The following ASTN2 variants were observed in gnomAD, a reference collection of about 807,000 sequenced individuals.
ASTN2 encodes the protein astrotactin-2.
ASTN2 carries 54 observed loss-of-function variants against 139.8 expected under a neutral mutation model. The ratio of observed to expected loss-of-function variants is 0.39; its 90% CI spans 0.31 to 0.48. The LOEUF is 0.48. ASTN2 is among the 20% of genes least tolerant of loss of function. The pLI is 0.95. For synonymous variants in ASTN2, 756 were observed against 719.5 expected, an observed-to-expected ratio of 1.05 and a Z score of -0.81; for missense variants, 1,565 against 1,725.1, an observed-to-expected ratio of 0.91 and a Z score of 1.64.
chr9:117,005,399 C>T (rs924498018), intron 7 of ASTN2, among the ~76,000 whole-genome samples: 2 of 151,920 alleles, frequency 1.3e-5, no homozygotes, highest in Non-Finnish European at 2.9e-5. Context: ...TGTCTTGGCA[C>T]CCATTTAAAA....
intron 5 of ASTN2, among the ~76,000 whole-genome samples, chr9:117,051,260 T>G (rs1341286461): frequency 6.6e-6 from 1 of 152,222 alleles, no homozygotes; most frequent in African/African-American, 2.4e-5. Flanking sequence ...CCTTTCTCTT[T>G]TTTTGAGCAC....
At chr9:117,084,607 G>A (rs796444973) in intron 5 of ASTN2, among the ~76,000 whole-genome samples, 53 of 152,316 alleles carry the variant, frequency 3.5e-4, no homozygotes, top group African/African-American at 1.2e-3. Context: ...ATTAATGAAT[G>A]TGCAATAGAC....
chr9:116,829,643 C>G (rs1007805349), intron 11 of ASTN2, among the ~76,000 whole-genome samples: 5 of 152,080 alleles, frequency 3.3e-5, no homozygotes, highest in Non-Finnish European at 7.4e-5. Flanking sequence ...TTTCAAACAA[C>G]CAGATCTCAT....
At chr9:117,194,912 T>G (rs566688443) in intron 3 of ASTN2, among the ~76,000 whole-genome samples, 14 of 152,156 alleles carry the variant, frequency 9.2e-5, no homozygotes, top group Non-Finnish European at 1.3e-4. Context: ...AAAGAACACA[T>G]AGAGGTTACC....
intron 4 of ASTN2, among the ~76,000 whole-genome samples, chr9:117,120,154 T>A (rs564115636): frequency 9.9e-5 from 15 of 151,034 alleles, no homozygotes; most frequent in African/African-American, 3.2e-4. Flanking sequence ...AACACTGGAC[T>A]GGAAGAAGGT....
At chr9:116,713,928 C>A (rs757950473) in intron 16 of ASTN2, among the ~76,000 whole-genome samples, 58 of 152,158 alleles carry the variant, frequency 3.8e-4, no homozygotes, top group Admixed American at 2.6e-4. Flanking sequence ...CTGGCTCTAC[C>A]TTTTATTAGC....
chr9:117,203,530 T>TTTG (rs373970577), intron 3 of ASTN2, among the ~76,000 whole-genome samples: 36 of 151,992 alleles, frequency 2.4e-4, no homozygotes, highest in East Asian at 7.8e-4. Context: ...TGTGGGGGCC[T>TTTG]TTGTTGTTGT....
intron 3 of ASTN2, among the ~76,000 whole-genome samples, chr9:117,170,231 C>T (rs2132922585): frequency 6.6e-6 from 1 of 152,180 alleles, no homozygotes; most frequent in African/African-American, 2.4e-5. Context: ...AGTCTTAATT[C>T]AATTTCAATT....
intron 3 of ASTN2, among the ~76,000 whole-genome samples, chr9:117,185,470 T>C (rs1308465038): frequency 6.6e-6 from 1 of 152,196 alleles, no homozygotes; most frequent in Admixed American, 6.5e-5. Flanking sequence ...AGATGCTTCA[T>C]AACCTAGAGT....
At chr9:116,938,509 G>A (rs917568863) in intron 10 of ASTN2, among the ~76,000 whole-genome samples, 1 of 152,106 alleles carries the variant, frequency 6.6e-6, no homozygotes, top group African/African-American at 2.4e-5. Flanking sequence ...CCTTGAGCTG[G>A]CTGCTGGCAG....
chr9:116,678,775 C>T (rs377437320), intron 16 of ASTN2, among the ~76,000 whole-genome samples: 6 of 151,948 alleles, frequency 3.9e-5, no homozygotes, highest in African/African-American at 1.2e-4. Flanking sequence ...GTCTGAATAA[C>T]CAGGTTTTCT....
chr9:116,497,213 G>A (rs1440530272), intron 19 of ASTN2, among the ~76,000 whole-genome samples: 1 of 152,196 alleles, frequency 6.6e-6, no homozygotes, highest in Non-Finnish European at 1.5e-5. Flanking sequence ...TGGGCCAAGA[G>A]GATATGGCAT....
At chr9:116,825,009 C>T (rs1413354360) in intron 11 of ASTN2, among the ~76,000 whole-genome samples, 4 of 152,178 alleles carry the variant, frequency 2.6e-5, no homozygotes, top group African/African-American at 7.2e-5. Flanking sequence ...GAAGTTCCTA[C>T]AGGAAGAGAA....
At position 116,699,033 on chromosome 9, in the gene ASTN2, CCT is replaced by C; in HGVS notation, c.2806+26736_2806+26737del. 1 of 1,614,182 alleles carries C rather than the reference CCT, an allele frequency of 6.2e-7. No homozygotes were observed. The highest frequency in any genetic ancestry group is 1.6e-4 in the Middle Eastern group (1 of 6,062). ...TGGGGCAGATCTACCCAACCTCACT[CCT>C]CTCTCAGTGGCAATGAACTGCCAGG... is the stretch of plus-strand genomic sequence containing the variant. On this transcript the variant is annotated intron_variant, in intron 16 of 22. Transcript: ENST00000313400. The surrounding 1 kb of genome is among the most constrained non-coding windows in gnomAD (Gnocchi z 4.2).
chr9:116,983,921 A>T (rs1390443351), intron 7 of ASTN2, among the ~76,000 whole-genome samples: 1 of 152,216 alleles, frequency 6.6e-6, no homozygotes, highest in Non-Finnish European at 1.5e-5. Flanking sequence ...CAGTCCACCC[A>T]GATGTGTGAC....
chr9:116,654,670 G>C (rs1858108524), intron 16 of ASTN2, among the ~76,000 whole-genome samples: 1 of 152,138 alleles, frequency 6.6e-6, no homozygotes, highest in Admixed American at 6.5e-5. Context: ...GTCACACAGT[G>C]AGTCCTTTCA....
Position 116,620,443 on chromosome 9 carries a change from C to T in ASTN2, c.3073G>A (p.Ala1025Thr), listed in dbSNP as rs1856077520. Residue 1025 changes from alanine to threonine, a missense_variant and splice_region_variant, in exon 18 of 23, where the codon GCC (alanine) becomes ACC (threonine). Around this residue, in one of 4 missense-constraint regions of ASTN2, gnomAD observed 418 missense variants for 465.8 expected, o/e 0.90. Transcript: ENST00000313400. ...TLIQDNGTKEAFKSALMSSYW... is the reference protein window; with the variant it reads ...TLIQDNGTKETFKSALMSSYW... ...GAACTCATCAGTGCACTCTTGAAGG[C>T]CTGGACAAAAAAAGAGGACAGAATA... 1 of 1,613,654 alleles carries T rather than the reference C, an allele frequency of 6.2e-7. No individual in the cohort carries two copies. Among genetic ancestry groups the T allele is most frequent in the Non-Finnish European group, 8.5e-7 (1 of 1,179,950 alleles).
intron 10 of ASTN2, among the ~76,000 whole-genome samples, chr9:116,946,955 C>A (rs368103501): frequency 0.012 from 852 of 73,632 alleles, 15 homozygotes; most frequent in African/African-American, 0.033. Context: ...AAAAAAACAA[C>A]CCAGATTGTC....
At chr9:117,225,535 G>GTATGTGTATATATATATATATATATA (rs369914209) in intron 2 of ASTN2, among the ~76,000 whole-genome samples, 6 of 63,962 alleles carry the variant, frequency 9.4e-5, no homozygotes, top group African/African-American at 2.2e-4. Flanking sequence ...CAAGCTGTAT[G>GTATGTGTATATATATATATATATATA]TATATATATA....
Sources: gnomAD v4.1 joint callset for allele counts (sites outside exome capture counted in the v4.1 genomes callset) on GRCh38, gnomAD v4.1.1 for gene constraint, gnomAD v4.1.1 regional missense constraint, Gnocchi (gnomAD v3.1) non-coding constraint, MANE v1.5 for transcripts, NCBI Gene and HGNC (gene_info 2026-07-23, HGNC 2026-07-21) for gene names.